SVEP1: variants seen among roughly 807,000 people sequenced by gnomAD.
SVEP1 encodes sushi, von Willebrand factor type A, EGF and pentraxin domain-containing protein 1.
Under a neutral mutation model 367.3 loss-of-function variants are expected in SVEP1, and 164 were observed. The observed-to-expected ratio is 0.45, with a 90% confidence interval of 0.39 to 0.51. SVEP1 has a LOEUF of 0.51. SVEP1 is among the 20% of genes least tolerant of loss of function. The probability of loss-of-function intolerance (pLI) is 0.00; values close to 1 mark genes in which losing one functional copy is unlikely to be tolerated. For synonymous variants in SVEP1, 1,666 were observed against 1,611.6 expected, an observed-to-expected ratio of 1.03 and a Z score of -0.81; for missense variants, 4,117 against 4,425.3, an observed-to-expected ratio of 0.93 and a Z score of 1.98.
At chr9:110,403,400 G>A (rs188451825) in intron 39 of SVEP1, among the ~76,000 whole-genome samples, 271 of 146,034 alleles carry the variant, frequency 1.9e-3, no homozygotes, top group African/African-American at 6.7e-3. Context: ...CGCATCCTGG[G>A]TTCAAGCAAT....
chr9:110,381,847 C>T (rs917133846), intron 43 of SVEP1, among the ~76,000 whole-genome samples: 11 of 150,708 alleles, frequency 7.3e-5, no homozygotes, highest in African/African-American at 2.7e-4. Context: ...TCTCTAAGAA[C>T]TTGATTTATG....
chr9:110,488,351 A>G (rs192330351), intron 9 of SVEP1, among the ~76,000 whole-genome samples: 118 of 152,324 alleles, frequency 7.7e-4, no homozygotes, highest in African/African-American at 2.7e-3. Flanking sequence ...TTGTTGGTTA[A>G]CAAAATCACT....
At chr9:110,531,837 A>G (rs1830022043) in intron 3 of SVEP1, among the ~76,000 whole-genome samples, 1 of 152,228 alleles carries the variant, frequency 6.6e-6, no homozygotes, top group Non-Finnish European at 1.5e-5. Flanking sequence ...ATAGCTTTAG[A>G]CACACACATG....
At chr9:110,565,889 G>A (rs1830486155) in intron 1 of SVEP1, among the ~76,000 whole-genome samples, 1 of 151,920 alleles carries the variant, frequency 6.6e-6, no homozygotes, top group African/African-American at 2.4e-5. Flanking sequence ...CTGCATGGTG[G>A]TTAAGAATTT....
At chr9:110,375,521 CA>C in intron 45 of SVEP1, 58 bp from the exon 46 acceptor site, 1 of 1,378,926 alleles carries the variant, frequency 7.3e-7, no homozygotes, top group South Asian at 1.4e-5. Flanking sequence ...TGGCGTTGAT[CA>C]AAGTACACAT....
chr9:110,450,301 C>A, intron 23 of SVEP1, 41 bp from the exon 24 acceptor site: 2 of 1,598,606 alleles, frequency 1.3e-6, no homozygotes, highest in Non-Finnish European at 1.7e-6. Context: ...AAATGATTAA[C>A]TCCCTGGGAA....
Position 110,430,420 on chromosome 9 carries a change from G to A in SVEP1, c.5384C>T (p.Pro1795Leu), listed in dbSNP as rs202201258. ...EPIKCKAPGNPENGHSSGEIY... is the reference protein window; with the variant it reads ...EPIKCKAPGNLENGHSSGEIY... ...CTCACCTGAGGAGTGGCCATTTTCC[G>A]GATTTCCTGGAGCCTTACATTTTAT... is the stretch of plus-strand genomic sequence containing the variant. Residue 1795 changes from proline (P) to leucine (L), a missense_variant, in exon 33 of 48, where the codon CCG becomes CTG. By Grantham distance (98) the Pro-to-Leu change is moderately conservative. Around this residue, in one of 4 missense-constraint regions of SVEP1, gnomAD observed 2,174 missense variants for 2,494.3 expected, o/e 0.87. Transcript: ENST00000374469. The A allele has an allele frequency of 1.5e-4, 235 of 1,612,362 alleles. 1 individual carries two copies. The highest frequency in any genetic ancestry group is 1.2e-3 in the South Asian group (111 of 90,712).
chr9:110,561,565 A>T (rs1157111618), intron 1 of SVEP1, among the ~76,000 whole-genome samples: 1 of 152,228 alleles, frequency 6.6e-6, no homozygotes, highest in African/African-American at 2.4e-5. Flanking sequence ...AGTAAATTCT[A>T]TCCTGCAATC....
intron 18 of SVEP1, among the ~76,000 whole-genome samples, 188 bp downstream of exon 18, chr9:110,465,677 G>T (rs1828924932): frequency 6.6e-6 from 1 of 152,070 alleles, no homozygotes; most frequent in African/African-American, 2.4e-5. Context: ...TACACGGCAG[G>T]TATTTATACC....
intron 1 of SVEP1, among the ~76,000 whole-genome samples, chr9:110,569,802 C>A (rs917548326): frequency 6.6e-6 from 1 of 152,210 alleles, no homozygotes; most frequent in Non-Finnish European, 1.5e-5. Context: ...ACAGCTTACA[C>A]ATTTAGTACA....
rs181181706 is a variant in SVEP1, at chr9:110,445,634, A to G, written c.4463+203T>C. On this transcript the variant is annotated intron_variant, in intron 26 of 47. Coordinates refer to ENST00000374469, the MANE Select transcript of SVEP1 (RefSeq NM_153366.4). ...ATATGAAAAGACTTAGTAAACAGCA[A>G]AACACAATACATGTTTGAGGTATTA... Among the ~76,000 whole-genome samples, 4 of 152,346 alleles carry G rather than the reference A, an allele frequency of 2.6e-5. No individual in the cohort carries two copies. The East Asian group carries it at 7.7e-4, about 29-fold the overall frequency.
intron 14 of SVEP1, among the ~76,000 whole-genome samples, chr9:110,475,717 A>C (rs1415944364): frequency 6.6e-6 from 1 of 152,092 alleles, no homozygotes; most frequent in African/African-American, 2.4e-5. Flanking sequence ...AATCTTAATA[A>C]AAATGTTCAG....
rs751472541 is a variant in SVEP1 at position 110,431,901 on chromosome 9, C to A, written c.5353+14G>T. 6.8e-6 allele frequency: 11 copies of A among 1,613,102 alleles called. No homozygotes were observed. The South Asian group carries it at 1.1e-4, about 16-fold the overall frequency. On this transcript the variant is annotated intron_variant, in intron 32 of 47. Transcript: ENST00000374469. ...ATGGAATTAGGAACTTTTAGTTCTA[C>A]ATATATTGGTTACCTGCACAGTTTT...
chr9:110,378,949 A>T lies in SVEP1; in HGVS notation c.10408+398T>A, dbSNP rs1040868031. On this transcript the variant is annotated intron_variant, in intron 44 of 47. Coordinates refer to ENST00000374469, the MANE Select transcript of SVEP1 (RefSeq NM_153366.4). The stretch of plus-strand genomic sequence containing the variant: ...TCCAAATCTGAACAGTTTGTGGTCA[A>T]CTCATCCAACAACTCAATTATTTAG... 4.6e-5 allele frequency among the ~76,000 whole-genome samples: 7 copies of T among 152,106 alleles called. No homozygotes were observed. The East Asian group carries it at 1.2e-3, about 25-fold the overall frequency.
chr9:110,411,368 C>T lies in SVEP1; in HGVS notation c.6343G>A (p.Gly2115Ser), dbSNP rs752071347. The change falls in exon 37 of 48, where the codon GGC (glycine) becomes AGC (serine). Residue 2115 changes from glycine (G) to serine (S), a missense_variant. Gly to Ser is a moderately conservative substitution (Grantham distance 56). Around this residue, in one of 4 missense-constraint regions of SVEP1, gnomAD observed 2,174 missense variants for 2,494.3 expected, o/e 0.87. Transcript: ENST00000374469. ...TTTGCTGAGGTGTTCAGTACAAAGC[C>T]TTCCATGCATTTAAAGCTCACAACT... ...GSVVSFKCME[G>S]FVLNTSAKIE... 1.9e-5 allele frequency: 31 copies of T among 1,614,054 alleles called. No individual in the cohort carries two copies. Among genetic ancestry groups the T allele is most frequent in the Non-Finnish European group, 2.5e-5 (29 of 1,179,906 alleles).
At chr9:110,531,157 C>T (rs756541744) in intron 3 of SVEP1, among the ~76,000 whole-genome samples, 2 of 151,938 alleles carry the variant, frequency 1.3e-5, no homozygotes, top group African/African-American at 2.4e-5. Flanking sequence ...GAATAGAGTA[C>T]CCTTGCTTTA....
At chr9:110,471,887 T>C (rs1829023289) in intron 15 of SVEP1, among the ~76,000 whole-genome samples, 1 of 152,194 alleles carries the variant, frequency 6.6e-6, no homozygotes, top group Non-Finnish European at 1.5e-5. Flanking sequence ...TATTATAACA[T>C]AATAAATTCC....
At position 110,463,660 on chromosome 9, in the gene SVEP1, AGAAAGAAAGGCAGGC is replaced by A. The variant is rs1358029325; in HGVS notation, c.3322+2190_3322+2204del. On this transcript the variant is annotated intron_variant, in intron 18 of 47. Coordinates refer to ENST00000374469, the MANE Select transcript of SVEP1 (RefSeq NM_153366.4). ...AAAGAAAGAAAGAAAGGCTGATGAAAGAAAGAAAGGCAGGCGAAAGAAAGGCAGGTGAAAGAAAAA... is the reference window on the plus strand; with the variant it reads ...AAAGAAAGAAAGAAAGGCTGATGAAAGAAAGAAAGGCAGGTGAAAGAAAAA... Among the ~76,000 whole-genome samples, 146 of 111,104 alleles carry A rather than the reference AGAAAGAAAGGCAGGC, an allele frequency of 1.3e-3. No individual in the cohort carries two copies. The Middle Eastern group carries it at 0.018, about 13-fold the overall frequency. 72.9% of individuals were successfully genotyped at this position (111,104 alleles called of 152,430 possible).
chr9:110,384,985 A>G (rs985807389), intron 43 of SVEP1, among the ~76,000 whole-genome samples: 2 of 152,012 alleles, frequency 1.3e-5, no homozygotes, highest in Non-Finnish European at 2.9e-5. Flanking sequence ...TTTTATTTTT[A>G]TTTAGTTTTT....
Sources: gnomAD v4.1 joint callset for allele counts (sites outside exome capture counted in the v4.1 genomes callset) on GRCh38, gnomAD v4.1.1 for gene constraint, gnomAD v4.1.1 regional missense constraint, MANE v1.5 for transcripts, NCBI Gene and HGNC (gene_info 2026-07-23, HGNC 2026-07-21) for gene names.